The following MTCL1 variants were observed in gnomAD, a reference collection of about 807,000 sequenced individuals.
The protein encoded by MTCL1 is microtubule crosslinking factor 1, also known as microtubule cross-linking factor 1.
In MTCL1, 79 loss-of-function variants were observed where a neutral mutation model predicts 141.4. That is an observed-to-expected ratio of 0.56 (90% confidence interval 0.47 to 0.67). The LOEUF is 0.67. Ranked by LOEUF, MTCL1 falls within the 30% of genes least tolerant of loss-of-function variation. The pLI, the probability that MTCL1 is intolerant of heterozygous loss-of-function variation, is 0.00. For synonymous variants in MTCL1, 914 were observed against 875.8 expected, an observed-to-expected ratio of 1.04 and a Z score of -0.77; for missense variants, 2,177 against 2,113.9, an observed-to-expected ratio of 1.03 and a Z score of -0.59.
intron 13 of MTCL1, among the ~76,000 whole-genome samples, chr18:8,820,068 C>T (rs1036955180): frequency 2.6e-5 from 4 of 152,026 alleles, no homozygotes; most frequent in Non-Finnish European, 5.9e-5. Flanking sequence ...CATGGCACAG[C>T]GTTAGTTATG....
Position 8,705,894 on chromosome 18 carries a change from C to T in MTCL1, c.234C>T (p.Pro78=). ...CGGCTCCCGCCGCCCCGCGCTCGCC[C>T]AACCTCGCGGGCAAAGCGCCGCCCT... Residue 78 remains proline, a synonymous_variant, in exon 1 of 14, where the codon CCC becomes CCT. Transcript: ENST00000306329. The surrounding 1 kb of genome is among the most constrained non-coding windows in gnomAD (Gnocchi z 5.2). The T allele has an allele frequency of 3.6e-6, 4 of 1,107,930 alleles. No homozygotes were observed. The highest frequency in any genetic ancestry group is 4.4e-6 in the Non-Finnish European group (4 of 909,086). 68.6% of individuals were successfully genotyped at this position (1,107,930 alleles called of 1,614,324 possible).
At chr18:8,831,395 G>A in intron 16 of MTCL1, 1 of 1,396,860 alleles carries the variant, frequency 7.2e-7, no homozygotes, top group Non-Finnish European at 9.3e-7. Flanking sequence ...ATCATAATTG[G>A]TCTCTTCCCA....
chr18:8,784,641 A>C (rs761162437), exon 6 of MTCL1: 2 of 1,613,916 alleles, frequency 1.2e-6, no homozygotes, highest in Non-Finnish European at 8.5e-7. Context: ...CAGGAGCCCC[A>C]GCTGCTGGGG....
At chr18:8,753,029 T>C (rs1004933147) in intron 4 of MTCL1, among the ~76,000 whole-genome samples, 2 of 152,118 alleles carry the variant, frequency 1.3e-5, no homozygotes, top group South Asian at 4.2e-4. Flanking sequence ...TATAGACCCC[T>C]AAGGCTATAA....
chr18:8,767,847 T>C (rs560792450), intron 4 of MTCL1, among the ~76,000 whole-genome samples: 2 of 152,228 alleles, frequency 1.3e-5, no homozygotes, highest in Non-Finnish European at 2.9e-5. Flanking sequence ...CTATTCCCCA[T>C]TGATAAGACC....
intron 4 of MTCL1, among the ~76,000 whole-genome samples, chr18:8,756,469 A>G (rs1567983909): frequency 7.2e-6 from 1 of 139,752 alleles, no homozygotes; most frequent in East Asian, 2.5e-4. Context: ...ATATGTGTAT[A>G]TGTGTGTATA....
chr18:8,718,656 AG>A lies in MTCL1; in HGVS notation c.198+13del. 6.2e-7 allele frequency: 1 copy of A among 1,612,138 alleles called. No individual in the cohort carries two copies. Among genetic ancestry groups the A allele is most frequent in the Non-Finnish European group, 8.5e-7 (1 of 1,179,782 alleles). ...CTGGAGCAGGACTTGAAGGTGAGTG[AG>A]GGGGTGGTGCGTGCACCTCGCAAGG... On this transcript the variant is annotated intron_variant, in intron 3 of 16. Transcript: ENST00000359865.
chr18:8,752,444 G>A (rs2096376524), intron 4 of MTCL1, among the ~76,000 whole-genome samples: 1 of 152,070 alleles, frequency 6.6e-6, no homozygotes, highest in African/African-American at 2.4e-5. Context: ...TAGCAACTGT[G>A]CCTCTCTTTT....
At chr18:8,789,064 G>T (rs1412365118) in intron 7 of MTCL1, among the ~76,000 whole-genome samples, 1 of 152,180 alleles carries the variant, frequency 6.6e-6, no homozygotes, top group Non-Finnish European at 1.5e-5. Context: ...CACGGACGCT[G>T]GTCAGATTTC....
exon 6 of MTCL1, chr18:8,784,154 C>G: frequency 6.2e-7 from 1 of 1,613,754 alleles, no homozygotes; most frequent in Non-Finnish European, 8.5e-7. Flanking sequence ...GATCAGCGAG[C>G]TCAGCGGCAA....
At chr18:8,813,339 G>A (rs2076549171) in intron 12 of MTCL1, 106 bp downstream of exon 11, 3 of 1,284,580 alleles carry the variant, frequency 2.3e-6, no homozygotes, top group South Asian at 3.1e-5. Context: ...TGCAGCATCA[G>A]GATGCATGGG....
At chr18:8,771,549 A>T (rs1186790022) in intron 4 of MTCL1, among the ~76,000 whole-genome samples, 2 of 152,210 alleles carry the variant, frequency 1.3e-5, no homozygotes, top group Admixed American at 6.5e-5. Context: ...TAAATTTTTT[A>T]AAAATTTAGA....
chr18:8,798,187 G>A (rs12386117), exon 10 of MTCL1: 207,797 of 1,598,626 alleles, frequency 0.13, 14,526 homozygotes, highest in Non-Finnish European at 0.14. Context: ...CAGTGACCGA[G>A]GCTGTGGCTT....
intron 4 of MTCL1, among the ~76,000 whole-genome samples, chr18:8,755,493 C>CCAGGAGCACTTCAGGGACATCTCACA (rs1567982229): frequency 5.9e-5 from 9 of 152,096 alleles, no homozygotes. Flanking sequence ...GTCATTTCTC[C>CCAGGAGCACTTCAGGGACATCTCACA]CAGGAGCACT....
upstream of MTCL1, among the ~76,000 whole-genome samples, chr18:8,717,127 G>T (rs1431267750): frequency 6.9e-6 from 1 of 145,354 alleles, no homozygotes; most frequent in Non-Finnish European, 1.6e-5. Flanking sequence ...TGTGCTCCAT[G>T]CTGCTCGGGA....
rs138821028 is a variant in MTCL1, at chr18:8,756,545, A to G, written c.358-21288A>G. On this transcript the variant is annotated intron_variant, in intron 4 of 16. Coordinates refer to ENST00000359865, the Ensembl canonical transcript of MTCL1. Reference sequence around the variant, plus strand: ...TATATATGTGTGTGTATATATGTGTATATATATGTATATATATCTCAAAGG... The same window carrying G: ...TATATATGTGTGTGTATATATGTGTGTATATATGTATATATATCTCAAAGG... Among the ~76,000 whole-genome samples, 725 of 151,718 alleles carry G rather than the reference A, an allele frequency of 4.8e-3. 6 individuals carry two copies. Among genetic ancestry groups the G allele is most frequent in the African/African-American group, 0.015 (636 of 41,328 alleles).
chr18:8,733,559 C>G (rs2096262016), intron 4 of MTCL1, among the ~76,000 whole-genome samples: 1 of 152,100 alleles, frequency 6.6e-6, no homozygotes, highest in Admixed American at 6.5e-5. Context: ...ATGCCTGCCA[C>G]CACACCTGGC....
intron 9 of MTCL1, 82 bp downstream of exon 8, chr18:8,796,544 A>G (rs2075927650): frequency 1.5e-5 from 20 of 1,317,106 alleles, no homozygotes; most frequent in Non-Finnish European, 2.0e-5. Flanking sequence ...CCCACCCTAC[A>G]CACAGTCATG....
rs139078896 is a variant in MTCL1, at chr18:8,793,106, A to G, written c.1996A>G (p.Asn666Asp). 1.6e-4 allele frequency: 252 copies of G among 1,613,856 alleles called. No homozygotes were observed. Among genetic ancestry groups the G allele is most frequent in the Non-Finnish European group, 1.9e-4 (222 of 1,179,920 alleles). The stretch of plus-strand genomic sequence containing the variant: ...TCAAGAGGAGACAGAGACATTTACA[A>G]ACAAGATCCATAAGGTAAATATTTA... The change falls in exon 8 of 17, where the codon AAC (asparagine) becomes GAC (aspartate). Residue 666 changes from asparagine to aspartate, a missense_variant. Coordinates refer to ENST00000359865, the Ensembl canonical transcript of MTCL1.
Sources: allele counts gnomAD v4.1 joint callset (sites outside exome capture counted in the v4.1 genomes callset), GRCh38; gene constraint gnomAD v4.1.1; non-coding constraint Gnocchi (gnomAD v3.1); transcripts MANE v1.5; gene names NCBI Gene and HGNC (gene_info 2026-07-23, HGNC 2026-07-21).